The following GOLGA4 variants were observed in gnomAD, a reference collection of about 807,000 sequenced individuals.
GOLGA4 encodes golgin A4.
A neutral mutation model predicts 265.9 loss-of-function variants in GOLGA4; 169 were observed. The observed-to-expected ratio is 0.64, with a 90% CI of 0.56 to 0.72. The LOEUF is 0.72. Among genes scored for constraint, GOLGA4 ranks in the 30% least tolerant of loss-of-function variants. The pLI, the probability that GOLGA4 is intolerant of heterozygous loss-of-function variation, is 0.00. For synonymous variants in GOLGA4, 923 were observed against 855.8 expected (o/e 1.08, Z -1.37); for missense variants, 2,482 against 2,483.4 (o/e 1.00, Z 0.01).
intron 22 of GOLGA4, 148 bp from the exon 23 acceptor site, chr3:37,361,095 C>T (rs1696224066): frequency 1.6e-6 from 1 of 608,990 alleles, no homozygotes. Flanking sequence ...TTCCTTATTC[C>T]TTGCCTGTAC....
At position 37,321,711 on chromosome 3, in the gene GOLGA4, A is replaced by G; in HGVS notation, c.1546-20A>G. On this transcript the variant is annotated intron_variant, in intron 12 of 23. Transcript: ENST00000361924. ...AAGATTTATGTGCGTTTAAGGTGGT[A>G]TTAATTATTTTTGGCACAGGAAAAG... 1.9e-6 allele frequency: 3 copies of G among 1,588,566 alleles called. No homozygotes were observed. Among genetic ancestry groups the G allele is most frequent in the Non-Finnish European group, 2.6e-6 (3 of 1,170,404 alleles).
rs1559479570 is a variant in GOLGA4 at position 37,362,238 on chromosome 3, TTA to T, written c.*33+935_*33+936del. ...ATTTATTTATTTATTTATTTATTTA[TTA>T]TTTTTTTTTTTTTTGAGACGGAGTC... is the stretch of plus-strand genomic sequence containing the variant. On this transcript the variant is annotated intron_variant, in intron 23 of 23. Transcript: ENST00000361924. 2.8e-3 allele frequency among the ~76,000 whole-genome samples: 391 copies of T among 138,836 alleles called. 1 individual carries two copies. The highest frequency in any genetic ancestry group is 9.8e-3 in the African/African-American group (357 of 36,250). The allele number at this position is 138,836 out of a possible 152,430, so 91.1% of individuals were successfully genotyped here. A position where few individuals can be genotyped will look rare whatever the true frequency, so the allele number is the denominator to read the frequency against.
At position 37,325,140 on chromosome 3, in the gene GOLGA4, G is replaced by C. The variant is rs778392342; in HGVS notation, c.3254G>C (p.Cys1085Ser). 58 of 1,613,344 alleles carry C rather than the reference G, an allele frequency of 3.6e-5. No homozygotes were observed. The highest frequency in any genetic ancestry group is 4.4e-5 in the Non-Finnish European group (52 of 1,179,660). ...ELKQKILLFG[C>S]EKEEMNKEIT... ...AAACAAAAGATCCTCCTATTTGGGT[G>C]TGAAAAAGAAGAGATGAACAAGGAA... Residue 1085 changes from cysteine (C) to serine (S), a missense_variant, in exon 14 of 24, where the codon TGT (cysteine) becomes TCT (serine). Around this residue, in one of 3 missense-constraint regions of GOLGA4, gnomAD observed 1,536 missense variants for 1,483.7 expected, o/e 1.04. Coordinates refer to ENST00000361924, the MANE Select transcript of GOLGA4 (RefSeq NM_002078.5).
At chr3:37,323,251 C>T (rs576561376) in intron 13 of GOLGA4, among the ~76,000 whole-genome samples, 1 of 151,630 alleles carries the variant, frequency 6.6e-6, no homozygotes, top group Admixed American at 6.6e-5. Context: ...CTCAGCCTCC[C>T]GAGTAGCTGG....
Position 37,266,455 on chromosome 3 carries a change from C to T in GOLGA4, c.162+14971C>T, listed in dbSNP as rs369838688. On this transcript the variant is annotated intron_variant, in intron 2 of 23. Transcript: ENST00000361924. The stretch of plus-strand genomic sequence containing the variant: ...CCTCGTGATCTGCCCACCTCACTCT[C>T]CCAAAGTGCTGGGATTACAGGCCTG... Among the ~76,000 whole-genome samples, 6 of 152,306 alleles carry T rather than the reference C, an allele frequency of 3.9e-5. No individual in the cohort carries two copies. The East Asian group carries it at 1.2e-3, about 29-fold the overall frequency.
intron 13 of GOLGA4, among the ~76,000 whole-genome samples, chr3:37,322,262 G>A (rs1277259878): frequency 6.6e-6 from 1 of 152,124 alleles, no homozygotes; most frequent in Non-Finnish European, 1.5e-5. Flanking sequence ...TGTCCTGAAC[G>A]TAATCCAGCC....
intron 5 of GOLGA4, among the ~76,000 whole-genome samples, chr3:37,294,571 G>A (rs997064846): frequency 6.6e-6 from 1 of 152,006 alleles, no homozygotes; most frequent in Non-Finnish European, 1.5e-5. Flanking sequence ...ATTTAGTAGA[G>A]ACGGGGTTTC....
At chr3:37,321,493 T>C (rs191372085) in intron 12 of GOLGA4, 376 of 396,486 alleles carry the variant, frequency 9.5e-4, no homozygotes, top group African/African-American at 7.4e-3. Context: ...ATAGCAGACA[T>C]AGTGGGGTTA....
chr3:37,328,673 C>A, intron 15 of GOLGA4, 136 bp downstream of exon 15: 2 of 869,032 alleles, frequency 2.3e-6, no homozygotes, highest in Non-Finnish European at 3.5e-6. Context: ...ATAACATTCT[C>A]TAATGGGAAC....
chr3:37,339,985 T>G, intron 19 of GOLGA4, 139 bp from the exon 20 acceptor site: 1 of 450,388 alleles, frequency 2.2e-6, no homozygotes. Context: ...CAATTCTTGC[T>G]CTAAACCATT....
At chr3:37,291,954 G>A (rs2096865755) in intron 5 of GOLGA4, among the ~76,000 whole-genome samples, 1 of 151,742 alleles carries the variant, frequency 6.6e-6, no homozygotes, top group Non-Finnish European at 1.5e-5. Context: ...CCAACTTAAT[G>A]GCTTAACACA....
At chr3:37,276,586 G>C (rs903009965) in intron 2 of GOLGA4, 2 of 1,588,364 alleles carry the variant, frequency 1.3e-6, no homozygotes, top group Non-Finnish European at 1.7e-6. Flanking sequence ...GAAATCGATG[G>C]AAGTTCTGTT....
intron 21 of GOLGA4, among the ~76,000 whole-genome samples, chr3:37,354,676 T>A (rs2097085513): frequency 6.6e-6 from 1 of 152,108 alleles, no homozygotes; most frequent in South Asian, 2.1e-4. Context: ...GTAGCCGTGT[T>A]TATGAGATAT....
rs998485840 is a variant in GOLGA4, at chr3:37,328,956, T to G, written c.6062-7T>G. Reference sequence around the variant, plus strand: ...TTTTCTTGTGTGTGTTCATTTTTATTTATTAGATAAGGCCCAGGAGGTGGA... The same window carrying G: ...TTTTCTTGTGTGTGTTCATTTTTATGTATTAGATAAGGCCCAGGAGGTGGA... On this transcript the variant is annotated splice_polypyrimidine_tract_variant and splice_region_variant and intron_variant, in intron 15 of 23. Coordinates refer to ENST00000361924, the MANE Select transcript of GOLGA4 (RefSeq NM_002078.5). 1.9e-6 allele frequency: 3 copies of G among 1,570,462 alleles called. No individual in the cohort carries two copies. Among genetic ancestry groups the G allele is most frequent in the Non-Finnish European group, 2.6e-6 (3 of 1,165,180 alleles).
chr3:37,316,820 T>C (rs1468053730), intron 11 of GOLGA4, among the ~76,000 whole-genome samples: 1 of 152,112 alleles, frequency 6.6e-6, no homozygotes, highest in Non-Finnish European at 1.5e-5. Flanking sequence ...CTTTTCCTTA[T>C]AGATGGATTT....
At chr3:37,343,449 T>C (rs930947469) in intron 20 of GOLGA4, among the ~76,000 whole-genome samples, 1 of 150,792 alleles carries the variant, frequency 6.6e-6, no homozygotes, top group Non-Finnish European at 1.5e-5. Context: ...ACTCCTGAAC[T>C]CAGGTATCTG....
chr3:37,276,331 G>A, intron 2 of GOLGA4: 33 of 1,606,070 alleles, frequency 2.1e-5, no homozygotes, highest in Non-Finnish European at 2.6e-5. Flanking sequence ...TCCTCTGTGG[G>A]AATATTCCTC....
intron 2 of GOLGA4, among the ~76,000 whole-genome samples, chr3:37,262,574 C>G (rs186984606): frequency 1.3e-5 from 2 of 151,832 alleles, no homozygotes; most frequent in Admixed American, 1.3e-4. Flanking sequence ...AAAACTCAGA[C>G]TGATGCCAGT....
At chr3:37,273,565 T>C in intron 2 of GOLGA4, 1 of 1,514,956 alleles carries the variant, frequency 6.6e-7, no homozygotes. Context: ...CGAAATCTCC[T>C]GACAGTGTTA....
Sources: allele counts gnomAD v4.1 joint callset (sites outside exome capture counted in the v4.1 genomes callset), GRCh38; gene constraint gnomAD v4.1.1; regional missense constraint gnomAD v4.1.1; transcripts MANE v1.5; gene names NCBI Gene and HGNC (gene_info 2026-07-23, HGNC 2026-07-21).